ALDH4A1: variants seen among roughly 807,000 people sequenced by gnomAD.
ALDH4A1 encodes delta-1-pyrroline-5-carboxylate dehydrogenase, mitochondrial.
In ALDH4A1, 46 loss-of-function variants were observed where a neutral mutation model predicts 70.5. That is an observed-to-expected ratio of 0.65 (90% confidence interval 0.51 to 0.83). The LOEUF (loss-of-function observed/expected upper bound fraction) is 0.83, where lower values mean the gene tolerates loss of function less well. Among genes scored for constraint, ALDH4A1 ranks in the 40% least tolerant of loss-of-function variants. The pLI is 0.00. For synonymous variants in ALDH4A1, 323 were observed against 324.3 expected, an observed-to-expected ratio of 1.00 and a Z score of 0.04; for missense variants, 749 against 766.5, an observed-to-expected ratio of 0.98 and a Z score of 0.27.
chr1:18,885,440 C>CA, intron 5 of ALDH4A1, 33 bp downstream of exon 5: 2 of 665,736 alleles, frequency 3.0e-6, no homozygotes, highest in Non-Finnish European at 5.4e-6. Flanking sequence ...CACCCCACCC[C>CA]GCCCCACCCA....
intron 7 of ALDH4A1, 52 bp from the exon 8 acceptor site, chr1:18,881,939 A>T (rs1934988803): frequency 1.3e-6 from 2 of 1,522,012 alleles, no homozygotes; most frequent in African/African-American, 2.8e-5. Context: ...CCAGCCCCCA[A>T]CCCCCACCCC....
At chr1:18,874,299 C>A (rs567852585) in intron 14 of ALDH4A1, among the ~76,000 whole-genome samples, 164 bp downstream of exon 14, 15 of 152,234 alleles carry the variant, frequency 9.9e-5, no homozygotes, top group Non-Finnish European at 1.9e-4. Context: ...AGTCCCTTTG[C>A]TCACGAGTTT....
intron 1 of ALDH4A1, among the ~76,000 whole-genome samples, chr1:18,890,469 C>A (rs1935392451): frequency 6.6e-6 from 1 of 152,192 alleles, no homozygotes; most frequent in South Asian, 2.1e-4. Flanking sequence ...ATTGCTTGAA[C>A]CCAGGAGGCA....
chr1:18,882,963 C>G, intron 7 of ALDH4A1, 161 bp downstream of exon 7: 1 of 930,524 alleles, frequency 1.1e-6, no homozygotes, highest in South Asian at 1.4e-5. Context: ...CAAACTGGGT[C>G]TCTGGTCCCA....
At chr1:18,891,433 T>C (rs1418023784) in intron 1 of ALDH4A1, among the ~76,000 whole-genome samples, 5 of 152,108 alleles carry the variant, frequency 3.3e-5, no homozygotes, top group African/African-American at 4.8e-5. Context: ...CTCTCTGGTG[T>C]CAATGGCCCC....
At chr1:18,887,404 C>A (rs556481387) in intron 3 of ALDH4A1, among the ~76,000 whole-genome samples, 1 of 152,362 alleles carries the variant, frequency 6.6e-6, no homozygotes, top group South Asian at 2.1e-4. Flanking sequence ...TCGAGACCAT[C>A]CTGGCTAACA....
chr1:18,887,292 G>A (rs764579120), intron 3 of ALDH4A1, among the ~76,000 whole-genome samples: 1 of 152,256 alleles, frequency 6.6e-6, no homozygotes, highest in Non-Finnish European at 1.5e-5. Context: ...GGCGGACGAA[G>A]GCCCACCTAA....
At chr1:18,885,443 C>CCCCCA in intron 5 of ALDH4A1, 30 bp downstream of exon 5, 1 of 803,766 alleles carries the variant, frequency 1.2e-6, no homozygotes, top group East Asian at 2.8e-5. Flanking sequence ...CCCACCCCGC[C>CCCCCA]CCACCCACCC....
At chr1:18,885,427 T>TACCACCCCCCCCCCCCCCC in intron 5 of ALDH4A1, 46 bp downstream of exon 5, 1 of 650,922 alleles carries the variant, frequency 1.5e-6, no homozygotes, top group Non-Finnish European at 2.7e-6. Flanking sequence ...CACACCTGAC[T>TACCACCCCCCCCCCCCCCC]CCCACCCCAC....
chr1:18,881,552 G>T, intron 8 of ALDH4A1, 148 bp downstream of exon 8: 1 of 773,508 alleles, frequency 1.3e-6, no homozygotes, highest in Non-Finnish European at 2.2e-6. Context: ...TCAGAGAGGT[G>T]AAGTGGCTCA....
chr1:18,874,348 C>A, intron 14 of ALDH4A1, 115 bp downstream of exon 14: 1 of 1,006,726 alleles, frequency 9.9e-7, no homozygotes, highest in Non-Finnish European at 1.5e-6. Flanking sequence ...GCTTGGCCCA[C>A]AATAAGTGCT....
intron 9 of ALDH4A1, among the ~76,000 whole-genome samples, chr1:18,878,436 G>A (rs372513201): frequency 7.9e-5 from 12 of 152,058 alleles, no homozygotes; most frequent in Non-Finnish European, 1.5e-4. Context: ...ACCCCCATCC[G>A]AACTCCCACC....
Position 18,875,445 on chromosome 1 carries a change from G to A in ALDH4A1, c.1397C>T (p.Thr466Met), listed in dbSNP as rs372612033. ...GGTGGTGCTGTCAACCAGCTGCAGC[G>A]TCTCCTTGTACTTGTCATCCGGGTA... ...YVYPDDKYKE[T>M]LQLVDSTTSY... The change falls in exon 13 of 15, where the codon ACG becomes ATG. Residue 466 changes from threonine to methionine, a missense_variant. By Grantham distance (81) the Thr-to-Met change is moderately conservative (BLOSUM62 -1). Transcript: ENST00000375341. The A allele has an allele frequency of 3.4e-5, 55 of 1,614,120 alleles. No homozygotes were observed. The highest frequency in any genetic ancestry group is 2.9e-4 in the African/African-American group (22 of 75,028).
chr1:18,894,183 G>A (rs1935537447), intron 1 of ALDH4A1, among the ~76,000 whole-genome samples: 1 of 152,128 alleles, frequency 6.6e-6, no homozygotes, highest in African/African-American at 2.4e-5. Context: ...CACAGCCTCG[G>A]GGACTGGCCC....
chr1:18,895,053 A>G (rs1016158571), intron 1 of ALDH4A1, among the ~76,000 whole-genome samples: 9 of 151,736 alleles, frequency 5.9e-5, no homozygotes, highest in African/African-American at 2.2e-4. Flanking sequence ...GTCAGTACAC[A>G]TTTATTCCAC....
intron 13 of ALDH4A1, 62 bp from the exon 14 acceptor site, chr1:18,874,643 G>GACTCAACACC (rs1934593534): frequency 6.6e-7 from 1 of 1,512,142 alleles, no homozygotes; most frequent in Non-Finnish European, 9.2e-7. Flanking sequence ...CCCAGCTCCA[G>GACTCAACACC]CCTCAACACC....
In ALDH4A1 at chr1:18,902,549, C is replaced by T. The variant is rs536547354; in HGVS notation, c.-26G>A. 1.4e-6 allele frequency: 2 copies of T among 1,473,866 alleles called. No individual in the cohort carries two copies. The highest frequency in any genetic ancestry group is 1.4e-5 in the African/African-American group (1 of 69,844). 91.3% of individuals were successfully genotyped at this position (1,473,866 alleles called of 1,614,324 possible). A position where few individuals can be genotyped will look rare whatever the true frequency, so the allele number is the denominator to read the frequency against. On this transcript the variant is annotated 5_prime_UTR_variant, in exon 1 of 15. Transcript: ENST00000375341. Reference sequence around the variant, plus strand: ...CTCGGGTTAGAAGCGGGGCTGTTCGCTGGATCGTCCGCCCGGGCGCGGCGA... The same window carrying T: ...CTCGGGTTAGAAGCGGGGCTGTTCGTTGGATCGTCCGCCCGGGCGCGGCGA...
chr1:18,882,018 T>C, intron 7 of ALDH4A1, 131 bp from the exon 8 acceptor site: 2 of 905,150 alleles, frequency 2.2e-6, no homozygotes, highest in Non-Finnish European at 1.7e-6. Flanking sequence ...GGACATCCCC[T>C]ACCCGACCCC....
At chr1:18,883,066 T>C (rs1183019428) in intron 7 of ALDH4A1, 58 bp downstream of exon 7, 7 of 1,610,214 alleles carry the variant, frequency 4.3e-6, no homozygotes, top group Non-Finnish European at 5.9e-6. Context: ...CCTCTGTCTG[T>C]CTGTTGGGAC....
Sources: allele counts gnomAD v4.1 joint callset (sites outside exome capture counted in the v4.1 genomes callset), GRCh38; gene constraint gnomAD v4.1.1; transcripts MANE v1.5; gene names NCBI Gene and HGNC (gene_info 2026-07-23, HGNC 2026-07-21).